Variants in DCTN3 observed in about 807,000 individuals in gnomAD.
DCTN3 encodes the protein dynactin 3 (p22).
DCTN3 carries 25 observed loss-of-function variants against 28.4 expected under a neutral mutation model. That is an observed-to-expected ratio of 0.88 (90% CI 0.64 to 1.23). The LOEUF is 1.23. DCTN3 is among the 50% of genes most tolerant of loss of function. The pLI is 0.00. For missense variants in DCTN3, 229 were observed against 232.0 expected (o/e 0.99, Z 0.08); for synonymous variants, 81 against 91.4 (o/e 0.89, Z 0.65).
intron 2 of DCTN3, 33 bp downstream of exon 2, chr9:34,618,643 T>C (rs757078777): frequency 8.3e-6 from 13 of 1,566,704 alleles, no homozygotes; most frequent in African/African-American, 1.3e-5. Flanking sequence ...GGGTGGGATG[T>C]CGGGCAGGCA....
chr9:34,614,260 GGCTCCAGGATGGGT>G (rs1820371007), intron 5 of DCTN3, 159 bp from the exon 6 acceptor site: 4 of 1,534,732 alleles, frequency 2.6e-6, no homozygotes, highest in Non-Finnish European at 3.5e-6. Flanking sequence ...AGCACTTTCA[GGCTCCAGGATGGGT>G]GCCCTAACAG....
Position 34,616,232 on chromosome 9 carries a change from T to A in DCTN3, c.269-119A>T. 2 of 698,550 alleles carry A rather than the reference T, an allele frequency of 2.9e-6. No homozygotes were observed. The highest frequency in any genetic ancestry group is 1.8e-5 in the African/African-American group (1 of 56,258). The allele number at this position is 698,550 out of a possible 1,614,324, so 43.3% of individuals were successfully genotyped here. The stretch of plus-strand genomic sequence containing the variant: ...GGCTAGGTCCTAGAGCTTTGGACAG[T>A]GACTCTGTCCACTGCCCCCTTCTCT... On this transcript the variant is annotated intron_variant, in intron 3 of 6. Coordinates refer to ENST00000259632, the MANE Select transcript of DCTN3 (RefSeq NM_007234.5). The surrounding 1 kb of genome is among the most constrained non-coding windows in gnomAD (Gnocchi z 4.7).
intron 3 of DCTN3, among the ~76,000 whole-genome samples, chr9:34,617,168 T>C (rs568136188): frequency 6.6e-6 from 1 of 152,298 alleles, no homozygotes; most frequent in African/African-American, 2.4e-5. Flanking sequence ...TGGCCCATCC[T>C]TACCCAGTCC....
At chr9:34,617,448 CA>C (rs1718076224) in intron 3 of DCTN3, among the ~76,000 whole-genome samples, 1 of 152,230 alleles carries the variant, frequency 6.6e-6, no homozygotes, top group Admixed American at 6.5e-5. Context: ...ATTGCCAAGG[CA>C]ATAGTTCCTG....
In DCTN3 at chr9:34,618,732, AC is replaced by A. The variant is rs1336590997; in HGVS notation, c.124del (p.Val42TrpfsTer13). ...CTTGCTGGAAATGTTCCCCAAAGCC[AC>A]CTGCACCTTGACCAGGCCGTCAGCC... ...KVADGLVKVQVALGNISSKRE... is the reference protein window; with the variant it reads ...KVADGLVKVQXALGNISSKRE... On this transcript the variant is annotated frameshift_variant, in exon 2 of 7. Transcript: ENST00000259632. LOFTEE classifies it high-confidence loss of function. 3 of 1,614,032 alleles carry A rather than the reference AC, an allele frequency of 1.9e-6. No individual in the cohort carries two copies. Among genetic ancestry groups the A allele is most frequent in the Non-Finnish European group, 1.7e-6 (2 of 1,180,026 alleles).
rs1286833958 is a variant in DCTN3, at chr9:34,613,798, T to G, written c.545A>C (p.Lys182Thr). 1.2e-6 allele frequency: 2 copies of G among 1,614,024 alleles called. No homozygotes were observed. The highest frequency in any genetic ancestry group is 3.3e-5 in the Admixed American group (2 of 60,030). The change falls in exon 7 of 7, where the codon AAG (lysine) becomes ACG (threonine). Residue 182 changes from lysine to threonine, a missense_variant. Transcript: ENST00000259632. ...GAGCAGCTATCACTCCTCTGCTGGC[T>G]TCACTTGCGTGGCGGCCTCTAGCTG... ...LCQLEAATQV[K>T]PAEE is the part of the protein sequence containing the mutation.
Position 34,618,761 on chromosome 9 carries a change from C to G in DCTN3, c.97-1G>C, listed in dbSNP as rs748960366. 3 of 1,613,616 alleles carry G rather than the reference C, an allele frequency of 1.9e-6. No homozygotes were observed. Among genetic ancestry groups the G allele is most frequent in the Non-Finnish European group, 2.5e-6 (3 of 1,179,618 alleles). ...GCACCTTGACCAGGCCGTCAGCCACCTGTAAGGGAAGTGGTGGTTAATTCC... is the reference window on the plus strand; with the variant it reads ...GCACCTTGACCAGGCCGTCAGCCACGTGTAAGGGAAGTGGTGGTTAATTCC... On this transcript the variant is annotated splice_acceptor_variant, in intron 1 of 6. Coordinates refer to ENST00000259632, the MANE Select transcript of DCTN3 (RefSeq NM_007234.5). LOFTEE classifies it high-confidence loss of function.
intron 1 of DCTN3, among the ~76,000 whole-genome samples, chr9:34,619,856 A>T (rs1048676590): frequency 4.6e-5 from 7 of 152,190 alleles, no homozygotes; most frequent in African/African-American, 1.7e-4. Flanking sequence ...GGTATAAAGC[A>T]GTGCTAGTCC....
rs755503270 is a variant in DCTN3, at chr9:34,614,699, C to G, written c.411+11G>C. 6.2e-7 allele frequency: 1 copy of G among 1,614,054 alleles called. No individual in the cohort carries two copies. The highest frequency in any genetic ancestry group is 8.5e-7 in the Non-Finnish European group (1 of 1,180,038). On this transcript the variant is annotated intron_variant, in intron 5 of 6. Transcript: ENST00000259632. ...CTCCATCTTCGCTTCTAGTCATCTC[C>G]CCTCCCATACCTGCTGCTGAATGTG...
intron 4 of DCTN3, 156 bp from the exon 5 acceptor site, chr9:34,614,924 G>A (rs1820389521): frequency 6.2e-6 from 5 of 806,824 alleles, no homozygotes; most frequent in Non-Finnish European, 1.0e-5. Flanking sequence ...TGGCAGTGGG[G>A]CTCCCTGCCC....
chr9:34,614,636 C>T, intron 5 of DCTN3, 74 bp downstream of exon 5: 2 of 1,562,302 alleles, frequency 1.3e-6, no homozygotes, highest in Non-Finnish European at 1.8e-6. Flanking sequence ...GAAGCTGCTT[C>T]CCCAGGTGGC....
intron 3 of DCTN3, chr9:34,617,551 C>G: frequency 2.1e-6 from 2 of 940,512 alleles, no homozygotes; most frequent in African/African-American, 1.7e-5. Context: ...TGGCAATGCT[C>G]TCTGCCCCTA....
chr9:34,618,799 C>T (rs775767828), intron 1 of DCTN3, 39 bp from the exon 2 acceptor site: 3 of 1,519,994 alleles, frequency 2.0e-6, no homozygotes, highest in Non-Finnish European at 2.7e-6. Context: ...GATATACTAC[C>T]TGGCTCAAGG....
At chr9:34,620,277 G>T in intron 1 of DCTN3, 92 bp downstream of exon 1, 1 of 1,109,564 alleles carries the variant, frequency 9.0e-7, no homozygotes. Flanking sequence ...GGGCTGCGGA[G>T]AACAGGACTG....
At position 34,616,183 on chromosome 9, in the gene DCTN3, G is replaced by T; in HGVS notation, c.269-70C>A. ...GCATTGCTAATCAGCCCATGTAAGG[G>T]CCTGAGGACCTGGCAAGGGAGATGG... On this transcript the variant is annotated intron_variant, in intron 3 of 6. Coordinates refer to ENST00000259632, the MANE Select transcript of DCTN3 (RefSeq NM_007234.5). The surrounding 1 kb of genome is among the most constrained non-coding windows in gnomAD (Gnocchi z 4.7). 2.4e-6 allele frequency: 3 copies of T among 1,240,972 alleles called. No individual in the cohort carries two copies. The highest frequency in any genetic ancestry group is 3.0e-5 in the African/African-American group (2 of 67,284). The allele number at this position is 1,240,972 out of a possible 1,614,324, so 76.9% of individuals were successfully genotyped here.
chr9:34,618,884 T>C, intron 1 of DCTN3, 124 bp from the exon 2 acceptor site: 1 of 728,206 alleles, frequency 1.4e-6, no homozygotes, highest in South Asian at 1.5e-5. Context: ...TGGCCTCCCT[T>C]CTCTAATATT....
At chr9:34,614,815 C>T (rs758882411) in intron 4 of DCTN3, 47 bp from the exon 5 acceptor site, 15 of 1,608,230 alleles carry the variant, frequency 9.3e-6, no homozygotes, top group Admixed American at 6.7e-5. Context: ...TGCCCTCCCC[C>T]GGGACTGCTC....
At chr9:34,617,757 C>A in intron 3 of DCTN3, 128 bp downstream of exon 3, 1 of 1,532,106 alleles carries the variant, frequency 6.5e-7, no homozygotes, top group Non-Finnish European at 8.8e-7. Context: ...AGAACCAGGC[C>A]ACAATTCCAG....
At chr9:34,620,051 C>A (rs911871197) in intron 1 of DCTN3, among the ~76,000 whole-genome samples, 1 of 152,186 alleles carries the variant, frequency 6.6e-6, no homozygotes, top group Non-Finnish European at 1.5e-5. Context: ...GCCTTCCTAT[C>A]GTGGACTTCA....
Sources: allele counts gnomAD v4.1 joint callset (sites outside exome capture counted in the v4.1 genomes callset), GRCh38; gene constraint gnomAD v4.1.1; non-coding constraint Gnocchi (gnomAD v3.1); transcripts MANE v1.5; gene names NCBI Gene and HGNC (gene_info 2026-07-23, HGNC 2026-07-21).